MSH3: variants seen among roughly 807,000 people sequenced by gnomAD.
MSH3 encodes the protein DNA mismatch repair protein Msh3.
In MSH3, 106 loss-of-function variants were observed where a neutral mutation model predicts 123.3. That is an observed-to-expected ratio of 0.86 (90% CI 0.73 to 1.01). The LOEUF (loss-of-function observed/expected upper bound fraction) is 1.01, where lower values mean the gene tolerates loss of function less well. Among genes scored for constraint, MSH3 ranks in the 50% least tolerant of loss-of-function variants. MSH3 has a pLI of 0.00. For missense variants in MSH3, 1,459 were observed against 1,347.6 expected, an observed-to-expected ratio of 1.08 and a Z score of -1.29; for synonymous variants, 515 against 481.4, an observed-to-expected ratio of 1.07 and a Z score of -0.91.
At chr5:80,764,702 A>C in intron 13 of MSH3, among the ~76,000 whole-genome samples, 1 of 152,134 alleles carries the variant, frequency 6.6e-6, no homozygotes, top group East Asian at 1.9e-4. Context: ...TGTTAAATTC[A>C]AATCCTGTAA....
chr5:80,825,405 T>G (rs1051494879), intron 20 of MSH3, among the ~76,000 whole-genome samples: 1 of 152,224 alleles, frequency 6.6e-6, no homozygotes, highest in Non-Finnish European at 1.5e-5. Context: ...GTGTTATATA[T>G]TTATAAAATT....
At chr5:80,788,214 T>A (rs1320115732) in intron 18 of MSH3, among the ~76,000 whole-genome samples, 2 of 152,160 alleles carry the variant, frequency 1.3e-5, no homozygotes, top group Non-Finnish European at 2.9e-5. Context: ...GGCAGGCAGA[T>A]CACGAGGTTA....
chr5:80,761,607 G>C lies in MSH3; in HGVS notation c.1825G>C (p.Gly609Arg). Residue 609 changes from glycine (G) to arginine (R), a missense_variant, in exon 13 of 24, where the codon GGT becomes CGT. Coordinates refer to ENST00000265081, the MANE Select transcript of MSH3 (RefSeq NM_002439.5). ...EVLHSESSVF[G>R]QIENHLRKLP... ...TCTCCATTCAGAATCTAGTGTGTTT[G>C]GTCAGATAGAAAATCATCTACGTAA... is the stretch of plus-strand genomic sequence containing the variant. The C allele has an allele frequency of 6.2e-7, 1 of 1,613,992 alleles. No individual in the cohort carries two copies.
At chr5:80,774,323 G>A (rs1300837459) in intron 15 of MSH3, among the ~76,000 whole-genome samples, 3 of 150,580 alleles carry the variant, frequency 2.0e-5, no homozygotes, top group African/African-American at 7.3e-5. Context: ...AGGATGTGGA[G>A]AAAAGGGAAC....
chr5:80,741,355 GA>G (rs1743610450), intron 10 of MSH3, 108 bp from the exon 11 acceptor site: 1 of 750,690 alleles, frequency 1.3e-6, no homozygotes, highest in Admixed American at 2.1e-5. Flanking sequence ...TTTTCTATCA[GA>G]ATGCTAATTT....
intron 12 of MSH3, among the ~76,000 whole-genome samples, chr5:80,752,171 G>A (rs1397627351): frequency 5.3e-5 from 8 of 151,884 alleles, no homozygotes; most frequent in Non-Finnish European, 1.0e-4. Flanking sequence ...AAAATGCCTA[G>A]GAAGAAAGAA....
intron 1 of MSH3, 45 bp downstream of exon 1, chr5:80,655,009 G>T: frequency 8.1e-7 from 1 of 1,227,882 alleles, no homozygotes; most frequent in Non-Finnish European, 1.1e-6. Context: ...GGCTGGGGGG[G>T]CGGGGCTTGT....
chr5:80,753,929 AAGC>A (rs1165193537), intron 12 of MSH3, among the ~76,000 whole-genome samples: 1 of 152,188 alleles, frequency 6.6e-6, no homozygotes, highest in Non-Finnish European at 1.5e-5. Context: ...ATCTGATTAT[AAGC>A]AGAATGCATT....
chr5:80,754,246 T>C (rs1399923333), intron 12 of MSH3, among the ~76,000 whole-genome samples: 1 of 152,246 alleles, frequency 6.6e-6, no homozygotes, highest in South Asian at 2.1e-4. Flanking sequence ...TCATGTATAC[T>C]TCCAGAAACC....
rs921203333 is a variant in MSH3 at position 80,763,066 on chromosome 5, C to T, written c.1896+1388C>T. The stretch of plus-strand genomic sequence containing the variant: ...TTCACCACATTGGCCAGGCTGGTAT[C>T]GAACTCCTGACCTCAGGTGATCCAC... On this transcript the variant is annotated intron_variant, in intron 13 of 23. Coordinates refer to ENST00000265081, the MANE Select transcript of MSH3 (RefSeq NM_002439.5). Among the ~76,000 whole-genome samples, 3 of 152,016 alleles carry T rather than the reference C, an allele frequency of 2.0e-5. No homozygotes were observed. The South Asian group carries it at 6.2e-4, about 31-fold the overall frequency.
chr5:80,701,578 A>G (rs1750611445), intron 8 of MSH3, among the ~76,000 whole-genome samples: 1 of 152,068 alleles, frequency 6.6e-6, no homozygotes, highest in Non-Finnish European at 1.5e-5. Flanking sequence ...TCTCCTTTTC[A>G]TGGTTCAAGG....
Position 80,819,418 on chromosome 5 carries a change from GTA to G in MSH3, c.2813+5683_2813+5684del, listed in dbSNP as rs1391732640. Among the ~76,000 whole-genome samples the G allele has an allele frequency of 2.3e-4, 34 of 145,260 alleles. No homozygotes were observed. The East Asian group carries it at 5.6e-3, about 24-fold the overall frequency. On this transcript the variant is annotated intron_variant, in intron 20 of 23. Transcript: ENST00000265081. ...TATGTGTATATATGTGTGTATATATGTATATATGTGTGTGTATATATATGTAT... is the reference window on the plus strand; with the variant it reads ...TATGTGTATATATGTGTGTATATATGTATATGTGTGTGTATATATATGTAT...
intron 19 of MSH3, among the ~76,000 whole-genome samples, chr5:80,807,608 A>C (rs245393): frequency 0.25 from 37,502 of 152,184 alleles, 4,900 homozygotes; most frequent in Non-Finnish European, 0.29. Context: ...GTGTTACATC[A>C]GTTTATTGTC....
chr5:80,694,811 T>C (rs1014413856), intron 8 of MSH3, among the ~76,000 whole-genome samples: 2 of 152,040 alleles, frequency 1.3e-5, no homozygotes, highest in Non-Finnish European at 2.9e-5. Context: ...TTCTAACCTT[T>C]ATGGTTTCAG....
intron 17 of MSH3, among the ~76,000 whole-genome samples, chr5:80,785,705 G>T (rs988855010): frequency 6.6e-6 from 1 of 151,834 alleles, no homozygotes; most frequent in Non-Finnish European, 1.5e-5. Flanking sequence ...TGTTTATTGC[G>T]GCATTATTCA....
intron 8 of MSH3, among the ~76,000 whole-genome samples, chr5:80,706,042 T>C (rs901470228): frequency 6.6e-6 from 1 of 152,200 alleles, no homozygotes; most frequent in African/African-American, 2.4e-5. Flanking sequence ...ACAGTAAAGA[T>C]TTGTAGATTT....
intron 9 of MSH3, among the ~76,000 whole-genome samples, chr5:80,726,472 CTTT>C (rs1481538279): frequency 1.3e-5 from 2 of 152,040 alleles, no homozygotes; most frequent in African/African-American, 4.8e-5. Context: ...TATCCCACTT[CTTT>C]TTATTTTTTT....
chr5:80,746,415 A>G, intron 12 of MSH3: 1 of 436,390 alleles, frequency 2.3e-6, no homozygotes, highest in Non-Finnish European at 4.5e-6. Flanking sequence ...TGATATTGGA[A>G]GTCTTGCGAA....
chr5:80,764,085 G>T (rs529347600), intron 13 of MSH3, among the ~76,000 whole-genome samples: 1 of 152,310 alleles, frequency 6.6e-6, no homozygotes, highest in South Asian at 2.1e-4. Flanking sequence ...AGATTAGTTG[G>T]CTGGCTCTGT....
Sources: allele counts gnomAD v4.1 joint callset (sites outside exome capture counted in the v4.1 genomes callset), GRCh38; gene constraint gnomAD v4.1.1; transcripts MANE v1.5; gene names NCBI Gene and HGNC (gene_info 2026-07-23, HGNC 2026-07-21).